PHLDB2: variants seen among roughly 807,000 people sequenced by gnomAD.
PHLDB2 encodes the protein pleckstrin homology like domain family B member 2.
PHLDB2 carries 71 observed loss-of-function variants against 123.6 expected under a neutral mutation model. The observed-to-expected ratio is 0.57, with a 90% CI of 0.47 to 0.70. The LOEUF is 0.70. PHLDB2 is among the 30% of genes least tolerant of loss of function. The pLI, the probability that PHLDB2 is intolerant of heterozygous loss-of-function variation, is 0.00. For missense variants in PHLDB2, 1,446 were observed against 1,519.5 expected (o/e 0.95, Z 0.80); for synonymous variants, 547 against 541.6 (o/e 1.01, Z -0.14).
rs371794973 is a variant in PHLDB2, at chr3:111,939,589, C to T, written c.2245C>T (p.Arg749Cys). 3.0e-5 allele frequency: 49 copies of T among 1,613,372 alleles called. No individual in the cohort carries two copies. The highest frequency in any genetic ancestry group is 3.6e-5 in the Non-Finnish European group (42 of 1,179,796). ...EKENLTQQLL[R>C]EVAEYQRNIV... is the part of the protein sequence containing the mutation. ...GGAGAACTTGACTCAACAGCTCCTG[C>T]GTGAAGTTGCTGAATATCAACGGAA... Residue 749 changes from arginine (R) to cysteine (C), a missense_variant, in exon 7 of 18, where the codon CGT (arginine) becomes TGT (cysteine). Transcript: ENST00000431670.
intron 1 of PHLDB2, among the ~76,000 whole-genome samples, chr3:111,845,258 C>T (rs183840053): frequency 3.7e-4 from 54 of 146,822 alleles, no homozygotes; most frequent in Admixed American, 3.1e-3. Flanking sequence ...AGGAGGCTGA[C>T]GCAGGAGAAT....
At position 111,884,161 on chromosome 3, in the gene PHLDB2, GA is replaced by G; in HGVS notation, c.86del (p.Asn29ThrfsTer6). On this transcript the variant is annotated frameshift_variant, in exon 2 of 18. Coordinates refer to ENST00000431670, the MANE Select transcript of PHLDB2 (RefSeq NM_001134438.2). LOFTEE classifies it high-confidence loss of function. The stretch of plus-strand genomic sequence containing the variant: ...AAGACTCTGTGGTGCATTCTGTTGA[GA>G]ACGATTCCCAAAACATGATGGAGAG... ...EEDSVVHSVE[N>X]DSQNMMESLS... is the part of the protein sequence containing the mutation. The G allele has an allele frequency of 6.2e-7, 1 of 1,614,174 alleles. No homozygotes were observed. Among genetic ancestry groups the G allele is most frequent in the Middle Eastern group, 1.6e-4 (1 of 6,062 alleles).
intron 2 of PHLDB2, among the ~76,000 whole-genome samples, chr3:111,893,616 C>T (rs11713358): frequency 0.6 from 91,227 of 150,906 alleles, 28,329 homozygotes; most frequent in East Asian, 0.94. Flanking sequence ...TCTTAATTTC[C>T]CTAATGTTTA....
At chr3:111,866,431 T>C (rs1041692393) in intron 1 of PHLDB2, among the ~76,000 whole-genome samples, 2 of 152,190 alleles carry the variant, frequency 1.3e-5, no homozygotes, top group African/African-American at 4.8e-5. Context: ...TATTCCCAGT[T>C]CATAAATCTT....
At chr3:111,805,255 C>T (rs1456454454) in intron 1 of PHLDB2, among the ~76,000 whole-genome samples, 1 of 152,006 alleles carries the variant, frequency 6.6e-6, no homozygotes, top group African/African-American at 2.4e-5. Flanking sequence ...GCTAATACTA[C>T]TCAACAATAA....
At chr3:111,893,692 A>G (rs1186278456) in intron 2 of PHLDB2, among the ~76,000 whole-genome samples, 1 of 149,050 alleles carries the variant, frequency 6.7e-6, no homozygotes, top group African/African-American at 2.5e-5. Context: ...AGGGTTTATC[A>G]GATTTAGCTC....
At chr3:111,918,253 A>C (rs1246704935) in intron 3 of PHLDB2, among the ~76,000 whole-genome samples, 1 of 152,162 alleles carries the variant, frequency 6.6e-6, no homozygotes, top group African/African-American at 2.4e-5. Context: ...TCCATTCAGG[A>C]GTGTAACTAT....
At chr3:111,861,634 G>A (rs911282791) in intron 1 of PHLDB2, among the ~76,000 whole-genome samples, 2 of 152,134 alleles carry the variant, frequency 1.3e-5, no homozygotes, top group African/African-American at 2.4e-5. Context: ...CACGAGTGTC[G>A]CCTGGATCCC....
chr3:111,836,165 T>C lies in PHLDB2; in HGVS notation c.-48-9656T>C, dbSNP rs570501051. ...AGAACAACTTACAGAATAAAACAGC[T>C]GCTGGAGACTAATCTGAAAGGACAA... On this transcript the variant is annotated intron_variant, in intron 1 of 17. Coordinates refer to the PHLDB2 transcript ENST00000393923. Among the ~76,000 whole-genome samples the C allele has an allele frequency of 7.9e-5, 12 of 152,258 alleles. No homozygotes were observed. The East Asian group carries it at 2.3e-3, about 29-fold the overall frequency.
chr3:111,903,187 G>T (rs9870405), intron 2 of PHLDB2, among the ~76,000 whole-genome samples: 4 of 152,098 alleles, frequency 2.6e-5, no homozygotes, highest in African/African-American at 9.7e-5. Context: ...CTTCAGTAAG[G>T]GGGGGACACC....
At chr3:111,852,345 G>C (rs1249764920) in intron 2 of PHLDB2, among the ~76,000 whole-genome samples, 2 of 147,668 alleles carry the variant, frequency 1.4e-5, no homozygotes, top group African/African-American at 4.9e-5. Flanking sequence ...TATATGTAAA[G>C]ATCATATATA....
intron 2 of PHLDB2, among the ~76,000 whole-genome samples, chr3:111,897,050 C>G (rs1485862566): frequency 6.6e-6 from 1 of 152,218 alleles, no homozygotes; most frequent in Non-Finnish European, 1.5e-5. Context: ...CAGAACAGTT[C>G]TAACACCACA....
intron 2 of PHLDB2, among the ~76,000 whole-genome samples, chr3:111,907,291 A>G (rs1388649220): frequency 6.6e-6 from 1 of 152,198 alleles, no homozygotes; most frequent in Non-Finnish European, 1.5e-5. Flanking sequence ...ACGATTCACT[A>G]TAGGGAAAGG....
At chr3:111,912,568 A>C (rs1170052577) in intron 2 of PHLDB2, among the ~76,000 whole-genome samples, 1 of 152,180 alleles carries the variant, frequency 6.6e-6, no homozygotes, top group Non-Finnish European at 1.5e-5. Flanking sequence ...AGGCATTAAA[A>C]AGTTTAGAAA....
At chr3:111,840,549 T>G (rs1277074523) in intron 1 of PHLDB2, among the ~76,000 whole-genome samples, 1 of 152,252 alleles carries the variant, frequency 6.6e-6, no homozygotes, top group South Asian at 2.1e-4. Context: ...CATACCACTT[T>G]TAGGAGAACA....
chr3:111,960,901 A>G (rs1283016904), intron 12 of PHLDB2, among the ~76,000 whole-genome samples: 3 of 152,238 alleles, frequency 2.0e-5, no homozygotes, highest in Non-Finnish European at 4.4e-5. Context: ...CCTGCTTCTG[A>G]GTCTATGATA....
At chr3:111,771,045 T>C (rs903426251) in intron 1 of PHLDB2, among the ~76,000 whole-genome samples, 3 of 152,218 alleles carry the variant, frequency 2.0e-5, no homozygotes, top group African/African-American at 7.2e-5. Context: ...TGCCCCTTTC[T>C]TTAATGTTAG....
chr3:111,943,044 C>G (rs750145433), intron 8 of PHLDB2, among the ~76,000 whole-genome samples: 1 of 151,840 alleles, frequency 6.6e-6, no homozygotes, highest in Non-Finnish European at 1.5e-5. Context: ...TAGTTACCAC[C>G]AATAATCAAC....
intron 1 of PHLDB2, among the ~76,000 whole-genome samples, chr3:111,797,869 C>T (rs772496848): frequency 1.3e-4 from 20 of 152,154 alleles, no homozygotes; most frequent in Non-Finnish European, 2.2e-4. Flanking sequence ...CAGTGGTTTG[C>T]GACTGTAATC....
Sources: gnomAD v4.1 joint callset for allele counts (sites outside exome capture counted in the v4.1 genomes callset) on GRCh38, gnomAD v4.1.1 for gene constraint, MANE v1.5 for transcripts, NCBI Gene and HGNC (gene_info 2026-07-23, HGNC 2026-07-21) for gene names.